DISC1: variants seen among roughly 807,000 people sequenced by gnomAD.
The protein encoded by DISC1 is disrupted in schizophrenia 1 protein.
In DISC1, 57 loss-of-function variants were observed where a neutral mutation model predicts 84.5. The ratio of observed to expected loss-of-function variants is 0.67; its 90% CI spans 0.55 to 0.84. The LOEUF is 0.84. Ranked by LOEUF, DISC1 falls within the 40% of genes least tolerant of loss-of-function variation. DISC1 has a pLI of 0.00. For missense variants in DISC1, 1,000 were observed against 1,057.8 expected (o/e 0.95, Z 0.76); for synonymous variants, 411 against 415.2 (o/e 0.99, Z 0.12).
intron 3 of DISC1, among the ~76,000 whole-genome samples, chr1:231,737,390 C>T (rs1353456484): frequency 1.3e-5 from 2 of 152,190 alleles, no homozygotes; most frequent in African/African-American, 2.4e-5. Flanking sequence ...TGGGTTCAAC[C>T]ACATTTATTC....
intron 9 of DISC1, among the ~76,000 whole-genome samples, chr1:231,829,292 T>C (rs11122344): frequency 1.0e-3 from 156 of 152,372 alleles, no homozygotes; most frequent in African/African-American, 3.4e-3. Context: ...ATTAGTATAA[T>C]AACAGAGTGG....
intron 9 of DISC1, among the ~76,000 whole-genome samples, chr1:231,885,877 T>C (rs2086645139): frequency 6.6e-6 from 1 of 152,230 alleles, no homozygotes; most frequent in Non-Finnish European, 1.5e-5. Flanking sequence ...TCCTAGTCTC[T>C]GTCTTTGTTT....
intron 1 of DISC1, among the ~76,000 whole-genome samples, chr1:231,649,035 G>A (rs1383255021): frequency 6.6e-6 from 1 of 152,030 alleles, no homozygotes; most frequent in Non-Finnish European, 1.5e-5. Context: ...ATTTTTTGAA[G>A]GGTTTTTTGT....
chr1:231,800,995 C>A (rs1430061335), intron 8 of DISC1, among the ~76,000 whole-genome samples: 3 of 151,756 alleles, frequency 2.0e-5, no homozygotes, highest in Non-Finnish European at 2.9e-5. Flanking sequence ...GTTGAATGGA[C>A]CCAGAGCTCA....
intron 10 of DISC1, among the ~76,000 whole-genome samples, chr1:231,978,167 C>G (rs1663085578): frequency 1.3e-5 from 2 of 152,042 alleles, no homozygotes; most frequent in Admixed American, 1.3e-4. Context: ...GCCAAGAATG[C>G]TTCATCAATA....
chr1:231,640,208 T>C (rs112385152), intron 1 of DISC1, among the ~76,000 whole-genome samples: 1 of 152,114 alleles, frequency 6.6e-6, no homozygotes, highest in African/African-American at 2.4e-5. Flanking sequence ...CCTCTCTCCC[T>C]CCTCCTCCAC....
intron 6 of DISC1, among the ~76,000 whole-genome samples, chr1:231,786,837 C>T (rs935222429): frequency 5.9e-5 from 9 of 152,140 alleles, no homozygotes; most frequent in African/African-American, 2.2e-4. Context: ...GCACTGCGTC[C>T]ACCCTTGGGA....
intron 11 of DISC1, 105 bp from the exon 12 acceptor site, chr1:232,026,330 G>C: frequency 1.4e-6 from 1 of 727,404 alleles, no homozygotes; most frequent in Non-Finnish European, 2.3e-6. Flanking sequence ...GCACAATTCT[G>C]ACTGAGGTGC....
intron 9 of DISC1, among the ~76,000 whole-genome samples, chr1:231,861,636 G>A (rs2084658690): frequency 6.6e-6 from 1 of 152,020 alleles, no homozygotes; most frequent in South Asian, 2.1e-4. Context: ...CTTGCTTTAT[G>A]TTTTGGTAGA....
chr1:231,834,771 C>T (rs1419422933), intron 9 of DISC1, among the ~76,000 whole-genome samples: 7 of 152,150 alleles, frequency 4.6e-5, no homozygotes, highest in Middle Eastern at 3.4e-3. Flanking sequence ...GGGGTTCTTG[C>T]CCCCTAGAAA....
intron 9 of DISC1, among the ~76,000 whole-genome samples, chr1:231,844,340 C>T (rs2083293808): frequency 6.6e-6 from 1 of 152,250 alleles, no homozygotes; most frequent in South Asian, 2.1e-4. Flanking sequence ...GGATACAACT[C>T]AGGAACAGCC....
At chr1:231,981,141 G>A (rs1003010543) in intron 10 of DISC1, among the ~76,000 whole-genome samples, 13 of 152,094 alleles carry the variant, frequency 8.5e-5, no homozygotes, top group Admixed American at 8.5e-4. Context: ...ATGGGGTCTT[G>A]CAATGTTGTT....
chr1:231,999,874 G>A (rs115273739), intron 10 of DISC1, among the ~76,000 whole-genome samples: 1,553 of 152,068 alleles, frequency 0.01, 30 homozygotes, highest in African/African-American at 0.035. Flanking sequence ...AACAAAACTC[G>A]AAGGCAAACA....
intron 10 of DISC1, among the ~76,000 whole-genome samples, chr1:231,979,856 T>C (rs909188118): frequency 1.3e-5 from 2 of 152,114 alleles, no homozygotes; most frequent in Admixed American, 1.3e-4. Context: ...CTACTAGAGA[T>C]GTACAGTTAA....
At chr1:231,955,593 G>C (rs1659348278) in intron 9 of DISC1, among the ~76,000 whole-genome samples, 1 of 151,736 alleles carries the variant, frequency 6.6e-6, no homozygotes, top group East Asian at 1.9e-4. Context: ...ACGTTCAAGG[G>C]ATTCTTCTGT....
At chr1:231,748,960 T>C (rs2074306371) in intron 3 of DISC1, among the ~76,000 whole-genome samples, 1 of 152,204 alleles carries the variant, frequency 6.6e-6, no homozygotes, top group African/African-American at 2.4e-5. Flanking sequence ...GATTCTCCTT[T>C]TGCAAGGACT....
At chr1:231,898,077 G>GCCACA in intron 9 of DISC1, among the ~76,000 whole-genome samples, 1 of 152,198 alleles carries the variant, frequency 6.6e-6, no homozygotes, top group South Asian at 2.1e-4. Context: ...ACAGCAAGAT[G>GCCACA]TAATCAAGTG....
intron 6 of DISC1, among the ~76,000 whole-genome samples, chr1:231,787,376 AAG>A (rs141021977): frequency 6.6e-6 from 1 of 150,904 alleles, no homozygotes. Flanking sequence ...GCAGAAGGGC[AAG>A]AGAGAGAGAG....
intron 9 of DISC1, among the ~76,000 whole-genome samples, chr1:231,861,235 G>A (rs572600915): frequency 7.2e-5 from 11 of 152,024 alleles, no homozygotes; most frequent in East Asian, 1.9e-4. Flanking sequence ...AGTGTGCTTC[G>A]GGTGGAGTGT....
Sources: allele counts gnomAD v4.1 joint callset (sites outside exome capture counted in the v4.1 genomes callset), GRCh38; gene constraint gnomAD v4.1.1; transcripts MANE v1.5; gene names NCBI Gene and HGNC (gene_info 2026-07-23, HGNC 2026-07-21).